CAMK2B: variants seen among roughly 807,000 people sequenced by gnomAD.
The protein encoded by CAMK2B is calcium/calmodulin dependent protein kinase II beta.
In CAMK2B, 27 loss-of-function variants were observed where a neutral mutation model predicts 93.7. The ratio of observed to expected loss-of-function variants is 0.29; its 90% CI spans 0.21 to 0.40. CAMK2B has a LOEUF of 0.40. CAMK2B is among the 10% of genes least tolerant of loss of function. CAMK2B has a pLI of 1.00. For missense variants in CAMK2B, 568 were observed against 895.8 expected (o/e 0.63, Z 4.67); for synonymous variants, 374 against 358.8 (o/e 1.04, Z -0.48).
intron 11 of CAMK2B, among the ~76,000 whole-genome samples, chr7:44,240,958 T>G (rs1397231305): frequency 6.6e-6 from 1 of 152,172 alleles, no homozygotes; most frequent in African/African-American, 2.4e-5. Flanking sequence ...ACACACACCC[T>G]GGGCCTAAAC....
At chr7:44,307,599 C>G (rs1007466548) in intron 1 of CAMK2B, among the ~76,000 whole-genome samples, 2 of 152,002 alleles carry the variant, frequency 1.3e-5, no homozygotes, top group African/African-American at 4.8e-5. Flanking sequence ...GGCTGTCACG[C>G]ACATCAGGGG....
chr7:44,304,614 G>C (rs79672397), intron 1 of CAMK2B, among the ~76,000 whole-genome samples: 7 of 152,170 alleles, frequency 4.6e-5, no homozygotes, highest in Admixed American at 1.3e-4. Flanking sequence ...AGACAAATAG[G>C]TGGAGCACAG....
rs193015124 is a variant in CAMK2B at position 44,281,592 on chromosome 7, A to G, written c.160+2539T>C. 5.3e-3 allele frequency among the ~76,000 whole-genome samples: 814 copies of G among 152,236 alleles called. 12 individuals carry two copies. Among genetic ancestry groups the G allele is most frequent in the African/African-American group, 0.019 (777 of 41,540 alleles). ...CAGGACCCTGGCCAGGCCTCTCGGC[A>G]TCAGCAGCTTCCTGCCCTCTGCTCC... On this transcript the variant is annotated intron_variant, in intron 2 of 23. Transcript: ENST00000395749.
At chr7:44,278,651 A>T (rs1283171339) in intron 2 of CAMK2B, among the ~76,000 whole-genome samples, 1 of 152,200 alleles carries the variant, frequency 6.6e-6, no homozygotes, top group African/African-American at 2.4e-5. Context: ...CCTGCAGAAG[A>T]GGGCCAGGAG....
At chr7:44,220,317 G>A in intron 22 of CAMK2B, 23 bp from the exon 23 acceptor site, 1 of 1,583,340 alleles carries the variant, frequency 6.3e-7, no homozygotes, top group Non-Finnish European at 8.7e-7. Context: ...GGCGGGGCGG[G>A]GGTCTCGGGT....
chr7:44,246,913 C>T (rs1417564294), intron 6 of CAMK2B, among the ~76,000 whole-genome samples: 1 of 152,092 alleles, frequency 6.6e-6, no homozygotes, highest in Admixed American at 6.5e-5. Flanking sequence ...CACATATGCA[C>T]ACCATCCACA....
rs2096751029 is a variant in CAMK2B, at chr7:44,248,410, A to G, written c.342-1218T>C. Among the ~76,000 whole-genome samples, 1 of 151,850 alleles carries G rather than the reference A, an allele frequency of 6.6e-6. No individual in the cohort carries two copies. The highest frequency in any genetic ancestry group is 1.5e-5 in the Non-Finnish European group (1 of 67,948). The stretch of plus-strand genomic sequence containing the variant: ...TTCTGCCCAGGTGCCCCTGGAGCCC[A>G]ACACAAGCCCTTCCCCAGGGACAGC... On this transcript the variant is annotated intron_variant, in intron 5 of 23. Coordinates refer to ENST00000395749, the MANE Select transcript of CAMK2B (RefSeq NM_001220.5). This position sits in a 1 kb window ranked among gnomAD's most constrained non-coding sequence, Gnocchi z 4.1.
chr7:44,270,536 C>T (rs760495125), intron 2 of CAMK2B, among the ~76,000 whole-genome samples: 19 of 152,246 alleles, frequency 1.2e-4, no homozygotes, highest in Admixed American at 2.0e-4. Context: ...CAGCGCCATG[C>T]TCCAGAACTC....
chr7:44,318,701 G>C (rs1194147797), intron 1 of CAMK2B, among the ~76,000 whole-genome samples: 1 of 152,224 alleles, frequency 6.6e-6, no homozygotes, highest in Non-Finnish European at 1.5e-5. Context: ...AGGACTGTGG[G>C]TCCCAAATTC....
chr7:44,274,843 A>G (rs10273026), intron 2 of CAMK2B, among the ~76,000 whole-genome samples: 46,506 of 152,090 alleles, frequency 0.31, 7,809 homozygotes, highest in Non-Finnish European at 0.38. Context: ...CATCTCCCCA[A>G]TCCTCACTCA....
chr7:44,249,444 C>T (rs1371867429), intron 5 of CAMK2B, among the ~76,000 whole-genome samples: 3 of 152,214 alleles, frequency 2.0e-5, no homozygotes, highest in African/African-American at 7.2e-5. Context: ...CTCCTTCATG[C>T]ACTGCTGCGT....
chr7:44,321,348 C>T (rs190961631), intron 1 of CAMK2B, among the ~76,000 whole-genome samples: 57 of 152,242 alleles, frequency 3.7e-4, no homozygotes, highest in Admixed American at 3.1e-3. Context: ...CGCTTGCTGG[C>T]GACTGGGGTA....
At position 44,325,593 on chromosome 7, in the gene CAMK2B, C is replaced by T; in HGVS notation, c.-172G>A. 5.6e-6 allele frequency: 1 copy of T among 177,954 alleles called. No homozygotes were observed. Among genetic ancestry groups the T allele is most frequent in the Non-Finnish European group, 1.1e-5 (1 of 94,268 alleles). The allele number at this position is 177,954 out of a possible 1,614,324, so 11.0% of individuals were successfully genotyped here. On this transcript the variant is annotated 5_prime_UTR_variant, in exon 1 of 24. Transcript: ENST00000395749. ...GCCGGGCGGCGAGCGCACGCGAGAT[C>T]TGCTCGCTCCGTCCTCGCCAGGAGC...
At chr7:44,257,793 T>C (rs550598120) in intron 4 of CAMK2B, among the ~76,000 whole-genome samples, 1 of 152,374 alleles carries the variant, frequency 6.6e-6, no homozygotes, top group South Asian at 2.1e-4. Context: ...GAACCTCACA[T>C]GGACAGAGGC....
chr7:44,314,746 A>G (rs1794436539), intron 1 of CAMK2B, among the ~76,000 whole-genome samples: 1 of 152,130 alleles, frequency 6.6e-6, no homozygotes, highest in African/African-American at 2.4e-5. Flanking sequence ...ACCCTCACCA[A>G]CACTTGCTAT....
intron 1 of CAMK2B, among the ~76,000 whole-genome samples, chr7:44,288,964 G>T (rs544182144): frequency 6.6e-6 from 1 of 152,284 alleles, no homozygotes; most frequent in African/African-American, 2.4e-5. Flanking sequence ...GGCTCTCGGG[G>T]CTTCACAGGC....
intron 16 of CAMK2B, 63 bp downstream of exon 16, chr7:44,232,759 A>T: frequency 1.3e-6 from 2 of 1,510,310 alleles, no homozygotes; most frequent in Non-Finnish European, 1.8e-6. Flanking sequence ...GCTGCCCCAG[A>T]CCTCTCTCCT....
In CAMK2B at chr7:44,240,817, A is replaced by G; in HGVS notation, c.904-68T>C. The G allele has an allele frequency of 5.3e-6, 8 of 1,520,332 alleles. No homozygotes were observed. The South Asian group carries it at 7.0e-5, about 13-fold the overall frequency. 94.2% of individuals were successfully genotyped at this position (1,520,332 alleles called of 1,614,324 possible). ...TTCCCTGCTGGCTTCTGGCCAGGAT[A>G]AGACCCCTGTCCTCCTGCCCAGATG... On this transcript the variant is annotated intron_variant, in intron 11 of 23. Transcript: ENST00000395749.
chr7:44,234,577 C>T (rs555523212), intron 14 of CAMK2B, 62 bp downstream of exon 14: 9 of 1,603,538 alleles, frequency 5.6e-6, no homozygotes, highest in South Asian at 3.3e-5. Flanking sequence ...AGCCCCAGGG[C>T]GTGGGGGTGA....
Sources: allele counts gnomAD v4.1 joint callset (sites outside exome capture counted in the v4.1 genomes callset), GRCh38; gene constraint gnomAD v4.1.1; non-coding constraint Gnocchi (gnomAD v3.1); transcripts MANE v1.5; gene names NCBI Gene and HGNC (gene_info 2026-07-23, HGNC 2026-07-21).